The following DLGAP2 variants were observed in gnomAD, a reference collection of about 807,000 sequenced individuals.
DLGAP2 encodes the protein disks large-associated protein 2.
Under a neutral mutation model 100.3 loss-of-function variants are expected in DLGAP2, and 26 were observed. The observed-to-expected ratio is 0.26, with a 90% confidence interval of 0.19 to 0.36. The LOEUF is 0.36. DLGAP2 is among the 10% of genes least tolerant of loss of function. DLGAP2 has a pLI of 1.00. For synonymous variants in DLGAP2, 886 were observed against 630.1 expected (o/e 1.41, Z -6.08); for missense variants, 1,858 against 1,453.2 (o/e 1.28, Z -4.53).
intron 3 of DLGAP2, among the ~76,000 whole-genome samples, chr8:1,446,268 A>G (rs1319603903): frequency 6.6e-6 from 1 of 152,112 alleles, no homozygotes; most frequent in South Asian, 2.1e-4. Flanking sequence ...TAATTTTTGT[A>G]TAAGGTGTAA....
intron 1 of DLGAP2, among the ~76,000 whole-genome samples, chr8:798,088 C>A (rs1481056711): frequency 6.6e-6 from 1 of 152,350 alleles, no homozygotes; most frequent in East Asian, 1.9e-4. Context: ...GCCCCTGTTG[C>A]ATCTTCACCA....
At chr8:1,357,655 A>G (rs528370419) in intron 3 of DLGAP2, among the ~76,000 whole-genome samples, 159 of 152,248 alleles carry the variant, frequency 1.0e-3, no homozygotes, top group African/African-American at 3.7e-3. Context: ...TTTAAAATAA[A>G]CCTTTTTGTC....
chr8:1,694,606 A>C lies in DLGAP2; in HGVS notation c.2797-2541A>C, dbSNP rs55837856. ...AGCAGTTTGGTGTCCCCAGAAACTT[A>C]GTCTCATTCACACCCACTGAGCCTG... is the stretch of plus-strand genomic sequence containing the variant. On this transcript the variant is annotated intron_variant, in intron 13 of 14. Transcript: ENST00000637795. Among the ~76,000 whole-genome samples, 1,416 of 152,256 alleles carry C rather than the reference A, an allele frequency of 9.3e-3. 25 individuals carry two copies. Among genetic ancestry groups the C allele is most frequent in the African/African-American group, 0.033 (1,366 of 41,540 alleles).
intron 1 of DLGAP2, among the ~76,000 whole-genome samples, chr8:906,308 G>A (rs1433210516): frequency 6.6e-6 from 1 of 152,248 alleles, no homozygotes. Flanking sequence ...GAGCCTCCCT[G>A]TGGAAACGTG....
At chr8:1,392,603 A>G (rs994903609) in intron 3 of DLGAP2, among the ~76,000 whole-genome samples, 1 of 152,200 alleles carries the variant, frequency 6.6e-6, no homozygotes, top group Non-Finnish European at 1.5e-5. Context: ...TTAACTTTGC[A>G]TTTTAACTGT....
chr8:905,966 A>G (rs1378298325), intron 1 of DLGAP2, among the ~76,000 whole-genome samples: 1 of 152,222 alleles, frequency 6.6e-6, no homozygotes, highest in Admixed American at 6.5e-5. Flanking sequence ...TGATTGATTG[A>G]GACTTTATTC....
intron 4 of DLGAP2, among the ~76,000 whole-genome samples, chr8:1,506,675 T>C (rs897846340): frequency 8.5e-5 from 13 of 152,194 alleles, no homozygotes; most frequent in African/African-American, 3.1e-4. Flanking sequence ...ATCCTGCTGA[T>C]TGGTCCATTT....
At chr8:1,234,509 C>T (rs1049330813) in intron 2 of DLGAP2, among the ~76,000 whole-genome samples, 3 of 152,152 alleles carry the variant, frequency 2.0e-5, no homozygotes, top group African/African-American at 7.2e-5. Context: ...GGTGACCTCT[C>T]CTTAACCATT....
At position 1,599,498 on chromosome 8, in the gene DLGAP2, C is replaced by A. The variant is rs140921740; in HGVS notation, c.1443-27242C>A. Among the ~76,000 whole-genome samples the A allele has an allele frequency of 3.3e-3, 498 of 152,228 alleles. 1 individual carries two copies. Among genetic ancestry groups the A allele is most frequent in the African/African-American group, 0.011 (468 of 41,530 alleles). ...ATTATTATTGTATGGGAGTCTAAGT[C>A]TCTTTGTAGGTCTCTAAGAACTTGA... On this transcript the variant is annotated intron_variant, in intron 6 of 14. Coordinates refer to ENST00000637795, the MANE Select transcript of DLGAP2 (RefSeq NM_001346810.2).
chr8:1,258,418 C>A (rs941923623), intron 2 of DLGAP2, among the ~76,000 whole-genome samples: 2 of 150,620 alleles, frequency 1.3e-5, no homozygotes, highest in Non-Finnish European at 2.9e-5. Flanking sequence ...GAATGTCACA[C>A]ACTGGGGCCT....
chr8:1,422,531 A>G (rs1797122309), intron 3 of DLGAP2, among the ~76,000 whole-genome samples: 1 of 151,284 alleles, frequency 6.6e-6, no homozygotes, highest in Non-Finnish European at 1.5e-5. Flanking sequence ...TGAAGGCAGA[A>G]GAGTGTTTGG....
chr8:1,336,421 C>T (rs940983703), intron 3 of DLGAP2, among the ~76,000 whole-genome samples: 2 of 152,172 alleles, frequency 1.3e-5, no homozygotes, highest in Non-Finnish European at 2.9e-5. Context: ...CACAGGCTGT[C>T]AAGAACCGGC....
intron 3 of DLGAP2, chr8:1,380,064 T>C (rs1434702206): frequency 6.6e-6 from 1 of 152,230 alleles, no homozygotes; most frequent in Non-Finnish European, 1.5e-5. Flanking sequence ...CACTGCTGTG[T>C]CCTTGGGGCA....
At chr8:883,936 C>T (rs1797870716) in intron 1 of DLGAP2, among the ~76,000 whole-genome samples, 2 of 152,214 alleles carry the variant, frequency 1.3e-5, no homozygotes, top group Non-Finnish European at 2.9e-5. Flanking sequence ...TAATGGCTTC[C>T]AGCTTCATCC....
At chr8:1,060,459 C>T (rs748996973) in intron 2 of DLGAP2, among the ~76,000 whole-genome samples, 5 of 150,332 alleles carry the variant, frequency 3.3e-5, no homozygotes, top group South Asian at 2.1e-4. Context: ...CATGGAAGCG[C>T]GTCACCGACC....
intron 2 of DLGAP2, among the ~76,000 whole-genome samples, chr8:1,207,400 G>A (rs1391119670): frequency 6.6e-6 from 1 of 152,154 alleles, no homozygotes. Flanking sequence ...TGCCGCAAAT[G>A]CCATTATTTT....
intron 1 of DLGAP2, among the ~76,000 whole-genome samples, chr8:819,037 A>G (rs887578555): frequency 6.6e-6 from 1 of 152,234 alleles, no homozygotes; most frequent in Non-Finnish European, 1.5e-5. Context: ...ATTTTATGTT[A>G]TCTCAGACTA....
chr8:1,695,033 C>T (rs912152030), intron 13 of DLGAP2, among the ~76,000 whole-genome samples: 1 of 152,136 alleles, frequency 6.6e-6, no homozygotes, highest in Admixed American at 6.5e-5. Flanking sequence ...GTGTTGTTGC[C>T]GAGGAGAGGA....
At chr8:909,893 T>C (rs1394189140) in intron 2 of DLGAP2, among the ~76,000 whole-genome samples, 2 of 152,232 alleles carry the variant, frequency 1.3e-5, no homozygotes, top group African/African-American at 4.8e-5. Flanking sequence ...GGAAATGTCT[T>C]CAGACCTCAA....
Sources: allele counts gnomAD v4.1 joint callset (sites outside exome capture counted in the v4.1 genomes callset), GRCh38; gene constraint gnomAD v4.1.1; transcripts MANE v1.5; gene names NCBI Gene and HGNC (gene_info 2026-07-23, HGNC 2026-07-21).